The following SYNDIG1 variants were observed in gnomAD, a reference collection of about 807,000 sequenced individuals.
The protein encoded by SYNDIG1 is synapse differentiation inducing 1, also known as synapse differentiation-inducing gene protein 1.
SYNDIG1 carries 9 observed loss-of-function variants against 19.4 expected under a neutral mutation model. The ratio of observed to expected loss-of-function variants is 0.46; its 90% CI spans 0.28 to 0.81. The LOEUF is 0.81. SYNDIG1 is among the 30% of genes least tolerant of loss of function. The pLI is 0.12. For missense variants in SYNDIG1, 311 were observed against 343.3 expected, an observed-to-expected ratio of 0.91 and a Z score of 0.74; for synonymous variants, 141 against 145.9, an observed-to-expected ratio of 0.97 and a Z score of 0.24.
intron 3 of SYNDIG1, among the ~76,000 whole-genome samples, chr20:24,660,871 A>G (rs1433296429): frequency 6.6e-6 from 1 of 152,192 alleles, no homozygotes; most frequent in Non-Finnish European, 1.5e-5. Context: ...TCCACAGAGC[A>G]GCACCCTCCT....
chr20:24,558,104 G>T (rs1258058877), intron 2 of SYNDIG1, among the ~76,000 whole-genome samples: 1 of 152,170 alleles, frequency 6.6e-6, no homozygotes, highest in Non-Finnish European at 1.5e-5. Flanking sequence ...TGAATGAGGG[G>T]CTTGGTGTCT....
At chr20:24,514,892 A>G (rs894329256) in intron 1 of SYNDIG1, among the ~76,000 whole-genome samples, 2 of 152,236 alleles carry the variant, frequency 1.3e-5, no homozygotes, top group Non-Finnish European at 2.9e-5. Flanking sequence ...ACTCCTCAGC[A>G]AATGTAAAAG....
chr20:24,537,358 TG>T (rs1381955784), intron 1 of SYNDIG1, among the ~76,000 whole-genome samples: 1 of 151,912 alleles, frequency 6.6e-6, no homozygotes, highest in Non-Finnish European at 1.5e-5. Flanking sequence ...TTTCTCAGTA[TG>T]GTATACACTC....
chr20:24,520,065 C>A (rs951701210), intron 1 of SYNDIG1, among the ~76,000 whole-genome samples: 3 of 152,032 alleles, frequency 2.0e-5, no homozygotes, highest in Non-Finnish European at 4.4e-5. Flanking sequence ...TTCTGAAATT[C>A]TGAAACAGTG....
chr20:24,587,007 C>T (rs2058428446), intron 3 of SYNDIG1, among the ~76,000 whole-genome samples: 1 of 152,218 alleles, frequency 6.6e-6, no homozygotes, highest in South Asian at 2.1e-4. Flanking sequence ...TAATTTTATT[C>T]TGAACACAGT....
chr20:24,606,860 G>C (rs1195225274), intron 3 of SYNDIG1, among the ~76,000 whole-genome samples: 1 of 152,210 alleles, frequency 6.6e-6, no homozygotes, highest in Non-Finnish European at 1.5e-5. Flanking sequence ...TTGGAAAGTG[G>C]ATGCTGACGA....
At chr20:24,641,311 GGAGA>G (rs1259751103) in intron 3 of SYNDIG1, among the ~76,000 whole-genome samples, 1 of 152,202 alleles carries the variant, frequency 6.6e-6, no homozygotes. Flanking sequence ...ATGGATGGAT[GGAGA>G]GTTGGGTAGA....
chr20:24,585,915 G>A (rs1192350707), intron 3 of SYNDIG1, among the ~76,000 whole-genome samples: 2 of 152,236 alleles, frequency 1.3e-5, no homozygotes, highest in East Asian at 1.9e-4. Context: ...TAGGGTTCAG[G>A]ACCAGGGCTG....
At chr20:24,610,924 A>G (rs117403275) in intron 3 of SYNDIG1, among the ~76,000 whole-genome samples, 7 of 152,286 alleles carry the variant, frequency 4.6e-5, no homozygotes, top group Non-Finnish European at 8.8e-5. Flanking sequence ...CCCTGCTGCA[A>G]TGACAGGAAA....
chr20:24,655,967 A>G (rs1329698712), intron 3 of SYNDIG1, among the ~76,000 whole-genome samples: 1 of 152,184 alleles, frequency 6.6e-6, no homozygotes, highest in East Asian at 1.9e-4. Context: ...AGAGCAGAGG[A>G]GTCAGACACC....
intron 2 of SYNDIG1, among the ~76,000 whole-genome samples, chr20:24,548,907 T>C (rs2057645933): frequency 6.6e-6 from 1 of 152,134 alleles, no homozygotes. Flanking sequence ...AGAGGTTTTT[T>C]ATTTTATTTT....
At chr20:24,618,250 C>T (rs1424329870) in intron 3 of SYNDIG1, among the ~76,000 whole-genome samples, 1 of 139,326 alleles carries the variant, frequency 7.2e-6, no homozygotes, top group Non-Finnish European at 1.6e-5. Flanking sequence ...GGGGAGAGCC[C>T]CGGGAGGGGG....
At chr20:24,602,949 A>C (rs1436982155) in intron 3 of SYNDIG1, among the ~76,000 whole-genome samples, 2 of 152,208 alleles carry the variant, frequency 1.3e-5, no homozygotes, top group African/African-American at 4.8e-5. Context: ...TGAAATTCTA[A>C]CTGGCTCTTT....
chr20:24,650,246 A>G (rs2059456861), intron 3 of SYNDIG1, among the ~76,000 whole-genome samples: 1 of 152,222 alleles, frequency 6.6e-6, no homozygotes, highest in Non-Finnish European at 1.5e-5. Flanking sequence ...GCAAACTCAT[A>G]AAGAGTGAAC....
chr20:24,640,605 C>G (rs1236972071), intron 3 of SYNDIG1, among the ~76,000 whole-genome samples: 1 of 151,724 alleles, frequency 6.6e-6, no homozygotes, highest in African/African-American at 2.4e-5. Flanking sequence ...ACCTTGTAAA[C>G]AAATGTGTTT....
intron 3 of SYNDIG1, among the ~76,000 whole-genome samples, chr20:24,637,235 G>A (rs974876728): frequency 6.6e-6 from 1 of 152,230 alleles, no homozygotes; most frequent in Non-Finnish European, 1.5e-5. Flanking sequence ...ATAGTGAACA[G>A]AGGAGTGAAC....
rs544798674 is a variant in SYNDIG1, at chr20:24,531,504, ATTTC to A, written c.-78-11512_-78-11509del. Reference sequence around the variant, plus strand: ...AGTTCTGATTCTCCAGTTTTTCTGTATTTCTTTATTCATGCATTTGTTTGAAAAT... The same window carrying A: ...AGTTCTGATTCTCCAGTTTTTCTGTATTTATTCATGCATTTGTTTGAAAAT... On this transcript the variant is annotated intron_variant, in intron 1 of 3. Coordinates refer to ENST00000376862, the MANE Select transcript of SYNDIG1 (RefSeq NM_024893.3). 1.1e-3 allele frequency among the ~76,000 whole-genome samples: 164 copies of A among 152,274 alleles called. 4 individuals are homozygous for A. In the East Asian group the frequency reaches 0.029, roughly 27 times the overall value.
chr20:24,620,581 C>T (rs1461716326), intron 3 of SYNDIG1, among the ~76,000 whole-genome samples: 1 of 152,174 alleles, frequency 6.6e-6, no homozygotes, highest in Non-Finnish European at 1.5e-5. Flanking sequence ...GGTTATGATC[C>T]AACCTTCAAA....
intron 3 of SYNDIG1, among the ~76,000 whole-genome samples, chr20:24,590,484 G>A (rs1181600184): frequency 6.6e-6 from 1 of 152,164 alleles, no homozygotes; most frequent in African/African-American, 2.4e-5. Context: ...ACAGGGCGGA[G>A]GGGGAGGCGC....
Sources: allele counts gnomAD v4.1 joint callset (sites outside exome capture counted in the v4.1 genomes callset), GRCh38; gene constraint gnomAD v4.1.1; transcripts MANE v1.5; gene names NCBI Gene and HGNC (gene_info 2026-07-23, HGNC 2026-07-21).